Variants in BRD9 observed in about 807,000 individuals in gnomAD.
BRD9 encodes the protein bromodomain-containing protein 9.
BRD9 carries 47 observed loss-of-function variants against 68.7 expected under a neutral mutation model. The observed-to-expected ratio is 0.68, with a 90% CI of 0.54 to 0.87. BRD9 has a LOEUF of 0.87. Among genes scored for constraint, BRD9 ranks in the 40% least tolerant of loss-of-function variants. BRD9 has a pLI of 0.00. For missense variants in BRD9, 670 were observed against 748.4 expected (o/e 0.90, Z 1.22); for synonymous variants, 313 against 293.9 (o/e 1.06, Z -0.67).
Position 892,716 on chromosome 5 carries a change from C to T in BRD9, c.-59G>A. 5.4e-6 allele frequency: 7 copies of T among 1,298,090 alleles called. No individual in the cohort carries two copies. The South Asian group carries it at 1.4e-4, about 26-fold the overall frequency. 80.4% of individuals were successfully genotyped at this position (1,298,090 alleles called of 1,614,324 possible). On this transcript the variant is annotated 5_prime_UTR_variant, in exon 1 of 16. Coordinates refer to ENST00000467963, the MANE Select transcript of BRD9 (RefSeq NM_023924.5). ...GGGAACAGCTGGCACCCGGTCGGAC[C>T]TTGGCCGCCACCGCCCCCTGGCCCT...
chr5:865,515 A>G lies in BRD9; in HGVS notation c.1592T>C (p.Leu531Pro). Residue 531 changes from leucine (L) to proline (P), a missense_variant, in exon 15 of 16, where the codon CTG becomes CCG. By Grantham distance (98) the Leu-to-Pro change is moderately conservative (BLOSUM62 -3). Coordinates refer to ENST00000467963, the MANE Select transcript of BRD9 (RefSeq NM_023924.5). ...HLNLDETTKLLQDLHEAQAER... is the reference protein window; with the variant it reads ...HLNLDETTKLPQDLHEAQAER... Reference sequence around the variant, plus strand: ...CGCCTGTGCTTCGTGCAGGTCCTGCAGGAGCTTCGTCGTCTCATCCAAGTT... The same window carrying G: ...CGCCTGTGCTTCGTGCAGGTCCTGCGGGAGCTTCGTCGTCTCATCCAAGTT... 6.2e-7 allele frequency: 1 copy of G among 1,608,016 alleles called. No individual in the cohort carries two copies. Among genetic ancestry groups the G allele is most frequent in the Non-Finnish European group, 8.5e-7 (1 of 1,179,170 alleles).
intron 3 of BRD9, 74 bp downstream of exon 3, chr5:891,081 G>T (rs527422337): frequency 6.8e-7 from 1 of 1,464,270 alleles, no homozygotes; most frequent in South Asian, 1.4e-5. Flanking sequence ...CAAAGCAACA[G>T]GACACGGTGC....
intron 8 of BRD9, 71 bp from the exon 9 acceptor site, chr5:881,253 A>C (rs1751708031): frequency 7.0e-7 from 1 of 1,433,598 alleles, no homozygotes; most frequent in African/African-American, 1.4e-5. Context: ...ATGAAGACCA[A>C]CAAGCAGGGC....
At chr5:890,845 A>T (rs923435231) in intron 3 of BRD9, among the ~76,000 whole-genome samples, 12 of 152,206 alleles carry the variant, frequency 7.9e-5, no homozygotes, top group Non-Finnish European at 1.3e-4. Context: ...CGGGTCACAT[A>T]CGATTGGTCT....
chr5:887,309 G>T (rs1752714785), intron 6 of BRD9, 52 bp downstream of exon 6: 2 of 1,473,300 alleles, frequency 1.4e-6, no homozygotes, highest in Middle Eastern at 1.7e-4. Context: ...ACAAGCGACG[G>T]GGGGCAGAGC....
At position 881,130 on chromosome 5, in the gene BRD9, T is replaced by A. The variant is rs1244845891; in HGVS notation, c.1019A>T (p.Asn340Ile). The change falls in exon 9 of 16, where the codon AAC (asparagine) becomes ATC (isoleucine). Residue 340 changes from asparagine to isoleucine, a missense_variant. This residue lies in a region of BRD9 where 135 missense variants were observed against 141.2 expected (regional missense o/e 0.96). Coordinates refer to ENST00000467963, the MANE Select transcript of BRD9 (RefSeq NM_023924.5). ...ACCATCAGCGTCCGGCTCGGCCGTG[T>A]TGACCACGCTGTAGAGCAGGCTCCC... ...GDGSLLYSVVNTAEPDADEEE... is the reference protein window; with the variant it reads ...GDGSLLYSVVITAEPDADEEE... The A allele has an allele frequency of 1.2e-6, 2 of 1,614,098 alleles. No homozygotes were observed. Among genetic ancestry groups the A allele is most frequent in the Non-Finnish European group, 1.7e-6 (2 of 1,180,030 alleles).
intron 11 of BRD9, among the ~76,000 whole-genome samples, chr5:877,379 T>G (rs1354985437): frequency 1.3e-5 from 2 of 152,250 alleles, no homozygotes; most frequent in Non-Finnish European, 2.9e-5. Context: ...TTTTCCACGT[T>G]TACTTCATTT....
In BRD9 at chr5:886,659, G is replaced by C. The variant is rs1752612982; in HGVS notation, c.766C>G (p.Pro256Ala). Reference protein sequence around the residue: ...NEDTAVEEPVPEVVPVQVETA... With the variant: ...NEDTAVEEPVAEVVPVQVETA... ...TCTACTTGTACTGGTACAACTTCAGGGACAGGTTCCTCAACAGCTGTATCT... is the reference window on the plus strand; with the variant it reads ...TCTACTTGTACTGGTACAACTTCAGCGACAGGTTCCTCAACAGCTGTATCT... Residue 256 changes from proline (P) to alanine (A), a missense_variant, in exon 7 of 16, where the codon CCT becomes GCT. By Grantham distance (27) the Pro-to-Ala change is conservative. This residue lies in a region of BRD9 where 135 missense variants were observed against 141.2 expected (regional missense o/e 0.96). Transcript: ENST00000467963. 6.2e-7 allele frequency: 1 copy of C among 1,613,896 alleles called. No homozygotes were observed. The highest frequency in any genetic ancestry group is 1.3e-5 in the African/African-American group (1 of 74,866).
chr5:881,080 T>C, intron 9 of BRD9, 27 bp downstream of exon 9: 2 of 1,611,920 alleles, frequency 1.2e-6, no homozygotes, highest in Non-Finnish European at 1.7e-6. Context: ...ACGGAGAGCA[T>C]AAAGCCAGCC....
chr5:889,548 C>A (rs369410919), intron 4 of BRD9, 39 bp downstream of exon 4: 44 of 1,604,092 alleles, frequency 2.7e-5, no homozygotes, highest in Non-Finnish European at 3.4e-5. Context: ...GACACCACAC[C>A]CCCCCAGACA....
intron 11 of BRD9, 69 bp from the exon 12 acceptor site, chr5:876,281 T>A: frequency 8.1e-7 from 1 of 1,237,408 alleles, no homozygotes; most frequent in Non-Finnish European, 1.2e-6. Flanking sequence ...GCAGCCCTGA[T>A]CACAGAAGCC....
chr5:871,449 TC>T (rs1281245532), intron 13 of BRD9, 76 bp downstream of exon 13: 12 of 1,338,356 alleles, frequency 9.0e-6, no homozygotes, highest in Non-Finnish European at 1.2e-5. Flanking sequence ...CACACAGACC[TC>T]CCCACCTCAA....
At chr5:882,964 A>T (rs1215612321) in intron 8 of BRD9, 3 of 282,022 alleles carry the variant, frequency 1.1e-5, no homozygotes, top group Admixed American at 1.0e-4. Context: ...ACCTCCCAAC[A>T]CACAAGCCAC....
chr5:864,073 A>G lies in BRD9; in HGVS notation c.*395T>C, dbSNP rs73730992. The G allele has an allele frequency of 0.035, 5,752 of 162,968 alleles. 334 individuals are homozygous for G. Among genetic ancestry groups the G allele is most frequent in the African/African-American group, 0.13 (5,262 of 41,666 alleles). The allele number at this position is 162,968 out of a possible 1,614,324, so 10.1% of individuals were successfully genotyped here. ...GAGCCACACGTGATGCTCGGACACA[A>G]ACGGCACGCAGCTCTGCAGCCTGGC... On this transcript the variant is annotated 3_prime_UTR_variant, in exon 16 of 16. Transcript: ENST00000467963.
chr5:868,010 A>G (rs1027290198), intron 14 of BRD9, among the ~76,000 whole-genome samples: 1 of 152,166 alleles, frequency 6.6e-6, no homozygotes. Context: ...GTAATTCCCA[A>G]TGTTAGGGGA....
chr5:883,708 G>A (rs1560918766), intron 8 of BRD9: 2 of 592,708 alleles, frequency 3.4e-6, no homozygotes, highest in Non-Finnish European at 5.9e-6. Context: ...CAGTGACCAC[G>A]TGGCCTCCAC....
chr5:873,578 T>G (rs987989024), intron 12 of BRD9, among the ~76,000 whole-genome samples: 1 of 150,436 alleles, frequency 6.6e-6, no homozygotes, highest in East Asian at 2.0e-4. Flanking sequence ...TCTGCTTTCC[T>G]GAGATCTACC....
intron 12 of BRD9, among the ~76,000 whole-genome samples, chr5:873,574 T>C (rs1197383558): frequency 6.6e-6 from 1 of 150,958 alleles, no homozygotes; most frequent in African/African-American, 2.4e-5. Context: ...CAGTTCTGCT[T>C]TCCTGAGATC....
In BRD9 at chr5:892,765, G is replaced by A. The variant is rs559787935; in HGVS notation, c.-108C>T. On this transcript the variant is annotated 5_prime_UTR_variant, in exon 1 of 16. Coordinates refer to ENST00000467963, the MANE Select transcript of BRD9 (RefSeq NM_023924.5). ...CTGGCTGGCCGCCCGCGCTCGCTGC[G>A]CCGAGGTTGCCGAGCTCGCTGGGCC... 143 of 1,116,436 alleles carry A rather than the reference G, an allele frequency of 1.3e-4. No individual in the cohort carries two copies. Among genetic ancestry groups the A allele is most frequent in the Non-Finnish European group, 1.5e-4 (134 of 885,850 alleles). The allele number at this position is 1,116,436 out of a possible 1,614,324, so 69.2% of individuals were successfully genotyped here. A position where few individuals can be genotyped will look rare whatever the true frequency, so the allele number is the denominator to read the frequency against.
Sources: allele counts gnomAD v4.1 joint callset (sites outside exome capture counted in the v4.1 genomes callset), GRCh38; gene constraint gnomAD v4.1.1; regional missense constraint gnomAD v4.1.1; transcripts MANE v1.5; gene names NCBI Gene and HGNC (gene_info 2026-07-23, HGNC 2026-07-21).